Variants in HCN1 observed in about 807,000 individuals in gnomAD.
HCN1 encodes potassium/sodium hyperpolarization-activated cyclic nucleotide-gated channel 1.
Under a neutral mutation model 78.9 loss-of-function variants are expected in HCN1, and 13 were observed. The ratio of observed to expected loss-of-function variants is 0.16; its 90% CI spans 0.11 to 0.26. HCN1 has a LOEUF of 0.26. Among genes scored for constraint, HCN1 ranks in the 10% least tolerant of loss-of-function variants. The pLI, the probability that HCN1 is intolerant of heterozygous loss-of-function variation, is 1.00. For synonymous variants in HCN1, 552 were observed against 455.5 expected, an observed-to-expected ratio of 1.21 and a Z score of -2.70; for missense variants, 810 against 1,154.3, an observed-to-expected ratio of 0.70 and a Z score of 4.32.
intron 4 of HCN1, among the ~76,000 whole-genome samples, chr5:45,366,024 C>A (rs895442092): frequency 6.6e-6 from 1 of 151,780 alleles, no homozygotes; most frequent in African/African-American, 2.4e-5. Flanking sequence ...TCTAGAGATA[C>A]TATTTCACAC....
At chr5:45,397,524 A>G (rs1286232098) in intron 3 of HCN1, among the ~76,000 whole-genome samples, 4 of 151,940 alleles carry the variant, frequency 2.6e-5, no homozygotes, top group African/African-American at 9.7e-5. Context: ...TAAAATTTAA[A>G]TTATTTTTTG....
At chr5:45,293,067 T>C (rs1745411849) in intron 6 of HCN1, among the ~76,000 whole-genome samples, 1 of 152,076 alleles carries the variant, frequency 6.6e-6, no homozygotes, top group Non-Finnish European at 1.5e-5. Flanking sequence ...TTTGAATGTA[T>C]GTGTCTTTAT....
chr5:45,476,346 T>C (rs185045543), intron 2 of HCN1, among the ~76,000 whole-genome samples: 89 of 152,196 alleles, frequency 5.8e-4, no homozygotes, highest in Admixed American at 2.8e-3. Context: ...CAGTCTATGA[T>C]ATGGTGTTAA....
At chr5:45,524,666 A>G (rs1019335268) in intron 2 of HCN1, among the ~76,000 whole-genome samples, 4 of 151,558 alleles carry the variant, frequency 2.6e-5, no homozygotes, top group Non-Finnish European at 2.9e-5. Context: ...TTTGTCTGTT[A>G]TTGGTGTATA....
chr5:45,333,098 T>C (rs1746379480), intron 5 of HCN1, among the ~76,000 whole-genome samples: 1 of 151,796 alleles, frequency 6.6e-6, no homozygotes, highest in African/African-American at 2.4e-5. Context: ...TAATTTACAT[T>C]CCCACCAACA....
At chr5:45,652,442 T>C (rs1306907810) in intron 1 of HCN1, among the ~76,000 whole-genome samples, 2 of 151,940 alleles carry the variant, frequency 1.3e-5, no homozygotes, top group Non-Finnish European at 2.9e-5. Flanking sequence ...AATGTGGACA[T>C]TACACATGAC....
chr5:45,646,717 T>C (rs1374459124), intron 1 of HCN1, among the ~76,000 whole-genome samples: 2 of 152,116 alleles, frequency 1.3e-5, no homozygotes, highest in Non-Finnish European at 2.9e-5. Context: ...AGTGTTATTT[T>C]TATAAGGGTT....
chr5:45,562,341 G>T (rs1042507333), intron 2 of HCN1, among the ~76,000 whole-genome samples: 1 of 151,994 alleles, frequency 6.6e-6, no homozygotes, highest in East Asian at 1.9e-4. Context: ...AATGATATCA[G>T]AGAAAAAACC....
Position 45,629,164 on chromosome 5 carries a change from A to G in HCN1, c.849+16021T>C, listed in dbSNP as rs73103082. Among the ~76,000 whole-genome samples, 201 of 152,214 alleles carry G rather than the reference A, an allele frequency of 1.3e-3. 1 individual carries two copies. Among genetic ancestry groups the G allele is most frequent in the African/African-American group, 4.8e-3 (200 of 41,570 alleles). On this transcript the variant is annotated intron_variant, in intron 2 of 7. Coordinates refer to ENST00000303230, the MANE Select transcript of HCN1 (RefSeq NM_021072.4). ...AACAATCCTAACTATGTATGAAATT[A>G]ACAGCATAGCTTCAAAGTATCTACA...
chr5:45,524,582 A>G (rs1486082766), intron 2 of HCN1, among the ~76,000 whole-genome samples: 2 of 152,044 alleles, frequency 1.3e-5, no homozygotes, highest in African/African-American at 4.8e-5. Flanking sequence ...TGTCCCTTGT[A>G]AGTTGGATTC....
At chr5:45,423,007 ATTAT>A (rs1203891027) in intron 3 of HCN1, among the ~76,000 whole-genome samples, 1 of 152,096 alleles carries the variant, frequency 6.6e-6, no homozygotes, top group Non-Finnish European at 1.5e-5. Flanking sequence ...ATCATTTATT[ATTAT>A]TTAGTTATTA....
At chr5:45,496,359 T>A (rs1357027911) in intron 2 of HCN1, among the ~76,000 whole-genome samples, 1 of 151,886 alleles carries the variant, frequency 6.6e-6, no homozygotes, top group African/African-American at 2.4e-5. Context: ...AATGTATCCA[T>A]TTCTTCTAGA....
intron 2 of HCN1, among the ~76,000 whole-genome samples, chr5:45,515,894 T>C (rs1054627412): frequency 6.6e-6 from 1 of 151,934 alleles, no homozygotes; most frequent in Non-Finnish European, 1.5e-5. Context: ...AAATGCTGTA[T>C]TAAATCTACC....
At chr5:45,430,461 C>A (rs961252250) in intron 3 of HCN1, among the ~76,000 whole-genome samples, 2 of 151,498 alleles carry the variant, frequency 1.3e-5, no homozygotes, top group African/African-American at 4.9e-5. Context: ...ACCCTCAAGT[C>A]TGCCCCAGTG....
chr5:45,351,174 A>G (rs1044931828), intron 5 of HCN1, among the ~76,000 whole-genome samples: 1 of 152,128 alleles, frequency 6.6e-6, no homozygotes, highest in Non-Finnish European at 1.5e-5. Context: ...ATACCAAAAC[A>G]GAGATATAGA....
intron 6 of HCN1, among the ~76,000 whole-genome samples, chr5:45,278,690 T>C (rs1745108746): frequency 6.6e-6 from 1 of 152,122 alleles, no homozygotes; most frequent in African/African-American, 2.4e-5. Flanking sequence ...TATGTGTTAA[T>C]TGATAGAGGT....
At chr5:45,642,006 A>G (rs1745463133) in intron 2 of HCN1, 1 of 152,168 alleles carries the variant, frequency 6.6e-6, no homozygotes, top group Admixed American at 6.6e-5. Context: ...TTTAAACACA[A>G]TAACAACAAC....
intron 2 of HCN1, among the ~76,000 whole-genome samples, chr5:45,590,370 TCACACA>T (rs1396376851): frequency 1.3e-5 from 2 of 152,212 alleles, no homozygotes; most frequent in African/African-American, 4.8e-5. Flanking sequence ...CCCACTGCCC[TCACACA>T]CACATAGCTT....
intron 4 of HCN1, among the ~76,000 whole-genome samples, chr5:45,365,471 T>C (rs1157881858): frequency 6.6e-6 from 1 of 151,984 alleles, no homozygotes; most frequent in Non-Finnish European, 1.5e-5. Context: ...TCTGAGGTAT[T>C]TCACTTAGAA....
Sources: gnomAD v4.1 joint callset for allele counts (sites outside exome capture counted in the v4.1 genomes callset) on GRCh38, gnomAD v4.1.1 for gene constraint, MANE v1.5 for transcripts, NCBI Gene and HGNC (gene_info 2026-07-23, HGNC 2026-07-21) for gene names.